Variants in MTREX observed in about 807,000 individuals in gnomAD.
MTREX encodes Mtr4 exosome RNA helicase.
A neutral mutation model predicts 135.4 loss-of-function variants in MTREX; 76 were observed. The observed-to-expected ratio is 0.56, with a 90% CI of 0.47 to 0.68. MTREX has a LOEUF of 0.68. MTREX is among the 30% of genes least tolerant of loss of function. The pLI is 0.00. For missense variants in MTREX, 920 were observed against 1,262.1 expected (o/e 0.73, Z 4.11); for synonymous variants, 404 against 401.6 (o/e 1.01, Z -0.07).
chr5:55,425,091 G>T lies in MTREX; in HGVS notation c.*319G>T. Reference sequence around the variant, plus strand: ...AAGTGTGCATCCAAGAGGCATAGCAGCAGCAGAAGTCTTTAAAGGCTTGTA... The same window carrying T: ...AAGTGTGCATCCAAGAGGCATAGCATCAGCAGAAGTCTTTAAAGGCTTGTA... On this transcript the variant is annotated 3_prime_UTR_variant, in exon 27 of 27. Coordinates refer to ENST00000230640, the MANE Select transcript of MTREX (RefSeq NM_015360.5). 1 of 1,338,586 alleles carries T rather than the reference G, an allele frequency of 7.5e-7. No homozygotes were observed. 82.9% of individuals were successfully genotyped at this position (1,338,586 alleles called of 1,614,324 possible).
intron 5 of MTREX, among the ~76,000 whole-genome samples, chr5:55,333,172 C>T (rs555831621): frequency 6.6e-6 from 1 of 152,254 alleles, no homozygotes; most frequent in African/African-American, 2.4e-5. Context: ...TTTTTCTCTT[C>T]GTTGAGTTAG....
chr5:55,345,489 T>C (rs965421045), intron 10 of MTREX, among the ~76,000 whole-genome samples: 4 of 152,058 alleles, frequency 2.6e-5, no homozygotes, highest in Non-Finnish European at 5.9e-5. Flanking sequence ...AGAAACCCTG[T>C]ACACATTAAC....
chr5:55,402,846 GTA>G (rs1561209724), intron 21 of MTREX, among the ~76,000 whole-genome samples: 1 of 45,886 alleles, frequency 2.2e-5, no homozygotes, highest in Non-Finnish European at 5.0e-5. Flanking sequence ...GTGTGTATGT[GTA>G]TGTATGTGTG....
intron 18 of MTREX, among the ~76,000 whole-genome samples, chr5:55,386,279 A>G (rs1321781787): frequency 1.3e-5 from 2 of 152,346 alleles, no homozygotes; most frequent in Admixed American, 1.3e-4. Flanking sequence ...GAAATTAGCC[A>G]CACTTTAAAA....
At chr5:55,337,866 AT>A (rs1229729050) in intron 5 of MTREX, among the ~76,000 whole-genome samples, 2 of 151,246 alleles carry the variant, frequency 1.3e-5, no homozygotes, top group East Asian at 3.9e-4. Context: ...TACCATTTTA[AT>A]TTCTCTTGAC....
chr5:55,423,899 T>C (rs1220310450), intron 26 of MTREX: 2 of 152,214 alleles, frequency 1.3e-5, no homozygotes, highest in Non-Finnish European at 2.9e-5. Context: ...TGGCTGATAT[T>C]TCCACAGTTG....
At chr5:55,405,793 A>G (rs1317319974) in intron 22 of MTREX, among the ~76,000 whole-genome samples, 1 of 152,220 alleles carries the variant, frequency 6.6e-6, no homozygotes, top group African/African-American at 2.4e-5. Flanking sequence ...TTTCTTAAAA[A>G]TATAAAGTTT....
chr5:55,377,378 T>G (rs886732350), intron 16 of MTREX, among the ~76,000 whole-genome samples: 2 of 152,090 alleles, frequency 1.3e-5, no homozygotes, highest in African/African-American at 4.8e-5. Flanking sequence ...AATTACACAT[T>G]TTAAAAATCC....
At chr5:55,414,349 C>T in intron 24 of MTREX, 111 bp downstream of exon 24, 1 of 854,566 alleles carries the variant, frequency 1.2e-6, no homozygotes, top group South Asian at 2.3e-5. Context: ...CAGAGATAAC[C>T]TATAAGGATT....
At chr5:55,375,356 G>A (rs556802187) in intron 16 of MTREX, among the ~76,000 whole-genome samples, 4 of 152,120 alleles carry the variant, frequency 2.6e-5, no homozygotes, top group Non-Finnish European at 2.9e-5. Flanking sequence ...TACGCCCCAG[G>A]GGGGACAGTT....
chr5:55,425,155 T>TG lies in MTREX; in HGVS notation c.*383_*384insG. 6.3e-7 allele frequency: 1 copy of TG among 1,579,322 alleles called. No individual in the cohort carries two copies. Among genetic ancestry groups the TG allele is most frequent in the Non-Finnish European group, 8.6e-7 (1 of 1,165,500 alleles). On this transcript the variant is annotated 3_prime_UTR_variant, in exon 27 of 27. Coordinates refer to ENST00000230640, the MANE Select transcript of MTREX (RefSeq NM_015360.5). The stretch of plus-strand genomic sequence containing the variant: ...GATGCATCCTCTTGCCTTGTGGCAA[T>TG]CATTTTCCTTTAGAAAACAGGCCAG...
At position 55,400,457 on chromosome 5, in the gene MTREX, A is replaced by G. The variant is rs766443646; in HGVS notation, c.2481+36A>G. ...AATTTGGTTTTTATAGTAGAATTCT[A>G]TATGTTTCACTGAATAAATATGTGT... is the stretch of plus-strand genomic sequence containing the variant. On this transcript the variant is annotated intron_variant, in intron 21 of 26. Transcript: ENST00000230640. 1.3e-5 allele frequency: 18 copies of G among 1,396,130 alleles called. No homozygotes were observed. In the Admixed American group the frequency reaches 1.4e-4, roughly 11 times the overall value. The allele number at this position is 1,396,130 out of a possible 1,614,324, so 86.5% of individuals were successfully genotyped here.
At chr5:55,387,608 T>C (rs1489474215) in intron 18 of MTREX, among the ~76,000 whole-genome samples, 1 of 152,078 alleles carries the variant, frequency 6.6e-6, no homozygotes, top group African/African-American at 2.4e-5. Flanking sequence ...AATGCTAGCA[T>C]AATAAGCAAT....
intron 3 of MTREX, among the ~76,000 whole-genome samples, chr5:55,325,338 T>G (rs1239561147): frequency 5.1e-5 from 7 of 137,768 alleles, no homozygotes; most frequent in South Asian, 2.4e-4. Context: ...GGTTTTTTTT[T>G]GTTTTTTTTT....
intron 18 of MTREX, among the ~76,000 whole-genome samples, chr5:55,386,401 T>C (rs1750482047): frequency 6.6e-6 from 1 of 152,136 alleles, no homozygotes; most frequent in East Asian, 1.9e-4. Flanking sequence ...ACTAGTTTTT[T>C]TATCTGAAAG....
intron 23 of MTREX, among the ~76,000 whole-genome samples, chr5:55,412,596 T>C (rs892955309): frequency 1.3e-5 from 2 of 152,178 alleles, no homozygotes; most frequent in African/African-American, 2.4e-5. Flanking sequence ...GGTGTTACTA[T>C]TTTAAATAAG....
At chr5:55,344,333 G>C (rs902442133) in intron 8 of MTREX, among the ~76,000 whole-genome samples, 189 bp from the exon 9 acceptor site, 3 of 152,172 alleles carry the variant, frequency 2.0e-5, no homozygotes, top group Admixed American at 6.5e-5. Context: ...GAAGATGGTA[G>C]TATAATTTCA....
At chr5:55,399,156 G>A (rs186564471) in intron 20 of MTREX, among the ~76,000 whole-genome samples, 43 of 152,272 alleles carry the variant, frequency 2.8e-4, no homozygotes, top group African/African-American at 9.9e-4. Context: ...GATTAGGGCA[G>A]ACATATATCC....
At chr5:55,314,782 C>T (rs1009221417) in intron 1 of MTREX, among the ~76,000 whole-genome samples, 1 of 152,186 alleles carries the variant, frequency 6.6e-6, no homozygotes, top group Non-Finnish European at 1.5e-5. Context: ...CACAGACCAG[C>T]AGTAGGGGGA....
Sources: allele counts gnomAD v4.1 joint callset (sites outside exome capture counted in the v4.1 genomes callset), GRCh38; gene constraint gnomAD v4.1.1; transcripts MANE v1.5; gene names NCBI Gene and HGNC (gene_info 2026-07-23, HGNC 2026-07-21).